The following DIS3L2 variants were observed in gnomAD, a reference collection of about 807,000 sequenced individuals.
DIS3L2 encodes the protein DIS3-like exonuclease 2.
Under a neutral mutation model 97.5 loss-of-function variants are expected in DIS3L2, and 34 were observed. The observed-to-expected ratio is 0.35, with a 90% CI of 0.27 to 0.46. DIS3L2 has a LOEUF of 0.46. Among genes scored for constraint, DIS3L2 ranks in the 20% least tolerant of loss-of-function variants. The pLI, the probability that DIS3L2 is intolerant of heterozygous loss-of-function variation, is 1.00. For synonymous variants in DIS3L2, 435 were observed against 445.2 expected, an observed-to-expected ratio of 0.98 and a Z score of 0.29; for missense variants, 1,038 against 1,146.0, an observed-to-expected ratio of 0.91 and a Z score of 1.36.
At chr2:232,015,734 C>T in intron 3 of DIS3L2, 63 bp downstream of exon 3, 1 of 1,573,338 alleles carries the variant, frequency 6.4e-7, no homozygotes. Context: ...ATCTATTAAA[C>T]TGTTTCCTGT....
chr2:232,136,401 C>T, intron 7 of DIS3L2, 71 bp from the exon 8 acceptor site: 1 of 1,573,496 alleles, frequency 6.4e-7, no homozygotes, highest in Middle Eastern at 1.8e-4. Flanking sequence ...AAATTATAAC[C>T]TGCTGACCTC....
intron 10 of DIS3L2, among the ~76,000 whole-genome samples, chr2:232,222,645 A>T (rs535016649): frequency 1.3e-4 from 20 of 151,724 alleles, no homozygotes; most frequent in African/African-American, 4.8e-4. Context: ...TAATTTTTGT[A>T]TTTTTACAAC....
chr2:231,966,564 G>A (rs1239770675), intron 1 of DIS3L2, among the ~76,000 whole-genome samples: 1 of 150,300 alleles, frequency 6.7e-6, no homozygotes, highest in Non-Finnish European at 1.5e-5. Flanking sequence ...TCCCAGGCTC[G>A]AGTGATCTTC....
chr2:232,104,958 A>ACTC (rs1467590573), intron 6 of DIS3L2, among the ~76,000 whole-genome samples: 1 of 151,998 alleles, frequency 6.6e-6, no homozygotes, highest in African/African-American at 2.4e-5. Flanking sequence ...AGCTGGGACT[A>ACTC]CAGGTGGCAC....
intron 13 of DIS3L2, among the ~76,000 whole-genome samples, chr2:232,298,327 G>C (rs1335400329): frequency 6.6e-6 from 1 of 152,190 alleles, no homozygotes; most frequent in African/African-American, 2.4e-5. Flanking sequence ...CAAATCATAT[G>C]AAAATTTCTA....
intron 5 of DIS3L2, among the ~76,000 whole-genome samples, chr2:232,078,376 CT>C (rs1373384943): frequency 1.3e-5 from 2 of 152,088 alleles, no homozygotes; most frequent in African/African-American, 4.8e-5. Flanking sequence ...TAGATATGCC[CT>C]TCCCCCCCGC....
At chr2:232,072,780 T>TGGG (rs368243474) in intron 5 of DIS3L2, among the ~76,000 whole-genome samples, 1 of 125,820 alleles carries the variant, frequency 7.9e-6, no homozygotes, top group Non-Finnish European at 1.6e-5. Context: ...AGTTGGGATG[T>TGGG]GGGGTGTGTG....
chr2:232,112,897 A>G (rs1466510655), intron 6 of DIS3L2, among the ~76,000 whole-genome samples: 2 of 152,142 alleles, frequency 1.3e-5, no homozygotes, highest in African/African-American at 4.8e-5. Flanking sequence ...CAAGTGAAAG[A>G]GGATGAAGAA....
In DIS3L2 at chr2:232,148,407, G is replaced by A. The variant is rs112555778; in HGVS notation, c.950+11688G>A. ...AAAGCATGAGCTCTTTCAGCATGCTGATCTGTTAGATTTTTATCTGCCATA... is the reference window on the plus strand; with the variant it reads ...AAAGCATGAGCTCTTTCAGCATGCTAATCTGTTAGATTTTTATCTGCCATA... On this transcript the variant is annotated intron_variant, in intron 8 of 20. Coordinates refer to ENST00000325385, the MANE Select transcript of DIS3L2 (RefSeq NM_152383.5). Among the ~76,000 whole-genome samples the A allele has an allele frequency of 1.1e-4, 17 of 152,222 alleles. 2 individuals are homozygous for A. The highest frequency in any genetic ancestry group is 4.1e-4 in the African/African-American group (17 of 41,528).
At chr2:232,221,849 T>C (rs1462862358) in intron 10 of DIS3L2, among the ~76,000 whole-genome samples, 2 of 152,144 alleles carry the variant, frequency 1.3e-5, no homozygotes, top group African/African-American at 4.8e-5. Flanking sequence ...TCTGCTTGGA[T>C]ACATTTCTGG....
intron 5 of DIS3L2, among the ~76,000 whole-genome samples, chr2:232,077,590 C>CT (rs539298649): frequency 3.3e-5 from 5 of 152,252 alleles, no homozygotes; most frequent in Admixed American, 2.0e-4. Context: ...TGGAAAAAGA[C>CT]TGAGAGTGAA....
intron 10 of DIS3L2, among the ~76,000 whole-genome samples, chr2:232,229,544 C>T (rs1433351223): frequency 2.6e-5 from 4 of 152,210 alleles, no homozygotes; most frequent in African/African-American, 7.2e-5. Context: ...ACGTTGAGTG[C>T]GCCAGCCTCG....
chr2:232,283,361 A>T (rs1459741127), intron 13 of DIS3L2, among the ~76,000 whole-genome samples: 1 of 152,146 alleles, frequency 6.6e-6, no homozygotes, highest in African/African-American at 2.4e-5. Context: ...GGCTCGAGTG[A>T]TCCTCCCACC....
At chr2:232,133,266 G>T (rs762681284) in intron 7 of DIS3L2, among the ~76,000 whole-genome samples, 2 of 152,206 alleles carry the variant, frequency 1.3e-5, no homozygotes, top group Non-Finnish European at 2.9e-5. Context: ...CACATAGGCA[G>T]TACCAGTAGA....
intron 5 of DIS3L2, among the ~76,000 whole-genome samples, chr2:232,064,806 A>AT (rs1695808481): frequency 6.6e-6 from 1 of 152,070 alleles, no homozygotes. Flanking sequence ...GATGCTGAGT[A>AT]TTTTTTGTAT....
At chr2:231,986,229 C>T (rs760751437) in intron 1 of DIS3L2, among the ~76,000 whole-genome samples, 4 of 152,198 alleles carry the variant, frequency 2.6e-5, no homozygotes, top group Non-Finnish European at 5.9e-5. Flanking sequence ...CCTCAGCTTG[C>T]ACATGGCTTG....
intron 6 of DIS3L2, among the ~76,000 whole-genome samples, chr2:232,130,296 T>A (rs547331184): frequency 1.3e-5 from 2 of 152,328 alleles, no homozygotes; most frequent in Non-Finnish European, 1.5e-5. Flanking sequence ...TGGGGCAGCA[T>A]TTAACATCTA....
At chr2:232,311,448 AG>A (rs1334465583) in intron 14 of DIS3L2, among the ~76,000 whole-genome samples, 1 of 152,240 alleles carries the variant, frequency 6.6e-6, no homozygotes, top group Non-Finnish European at 1.5e-5. Context: ...GAACATGGCC[AG>A]GTGCAGTGGC....
At position 231,980,697 on chromosome 2, in the gene DIS3L2, C is replaced by T. The variant is rs144601963; in HGVS notation, c.-94+18932C>T. Among the ~76,000 whole-genome samples, 423 of 150,598 alleles carry T rather than the reference C, an allele frequency of 2.8e-3. 1 individual carries two copies. The highest frequency in any genetic ancestry group is 4.6e-3 in the Non-Finnish European group (314 of 67,622). ...TGGGTGACAGAGCAAGACTCCGTCT[C>T]GAGAGAGAGAGAAAAAAAAAAGATA... On this transcript the variant is annotated intron_variant, in intron 1 of 20. Transcript: ENST00000325385.
Sources: allele counts gnomAD v4.1 joint callset (sites outside exome capture counted in the v4.1 genomes callset), GRCh38; gene constraint gnomAD v4.1.1; transcripts MANE v1.5; gene names NCBI Gene and HGNC (gene_info 2026-07-23, HGNC 2026-07-21).